The following FLT4 variants were observed in gnomAD, a reference collection of about 807,000 sequenced individuals.
FLT4 encodes the protein fms related receptor tyrosine kinase 4.
FLT4 carries 30 observed loss-of-function variants against 163.2 expected under a neutral mutation model. The observed-to-expected ratio is 0.18, with a 90% CI of 0.14 to 0.25. The LOEUF (loss-of-function observed/expected upper bound fraction) is 0.25. FLT4 is among the 10% of genes least tolerant of loss of function. The pLI is 1.00. For synonymous variants in FLT4, 884 were observed against 789.5 expected (o/e 1.12, Z -2.01); for missense variants, 1,510 against 1,863.8 (o/e 0.81, Z 3.50).
chr5:180,606,868 C>A (rs1482962697), intron 29 of FLT4, among the ~76,000 whole-genome samples: 1 of 143,420 alleles, frequency 7.0e-6, no homozygotes, highest in Non-Finnish European at 1.5e-5. Context: ...CCAGCCTGGC[C>A]AACGTGGCGA....
chr5:180,621,499 C>A lies in FLT4; in HGVS notation c.2020+43G>T. On this transcript the variant is annotated intron_variant, in intron 13 of 29. Coordinates refer to ENST00000261937, the MANE Select transcript of FLT4 (RefSeq NM_182925.5). Reference sequence around the variant, plus strand: ...GGGGCAAAGGCAGAGGCAGCTACTGCTAGAAGAGAGCGCGTCCCCGCCCTC... The same window carrying A: ...GGGGCAAAGGCAGAGGCAGCTACTGATAGAAGAGAGCGCGTCCCCGCCCTC... 1.9e-6 allele frequency: 3 copies of A among 1,604,196 alleles called. No individual in the cohort carries two copies. In the South Asian group the frequency reaches 3.3e-5, roughly 18 times the overall value.
intron 1 of FLT4, among the ~76,000 whole-genome samples, chr5:180,645,019 G>C (rs1765413648): frequency 6.6e-6 from 1 of 152,238 alleles, no homozygotes; most frequent in Non-Finnish European, 1.5e-5. Context: ...GCTGGGGCTG[G>C]TGTGTGCAGT....
Position 180,611,315 on chromosome 5 carries a change from C to T in FLT4, c.3686+16G>A, listed in dbSNP as rs1313909056. The T allele has an allele frequency of 6.2e-7, 1 of 1,613,648 alleles. No individual in the cohort carries two copies. Among genetic ancestry groups the T allele is most frequent in the Non-Finnish European group, 8.5e-7 (1 of 1,179,968 alleles). Reference sequence around the variant, plus strand: ...GCTTTCTCCCACCCTACTCCTGGACCTGCAGGACAGCTGACCTGGCGGCCA... The same window carrying T: ...GCTTTCTCCCACCCTACTCCTGGACTTGCAGGACAGCTGACCTGGCGGCCA... On this transcript the variant is annotated intron_variant, in intron 27 of 29. Coordinates refer to ENST00000261937, the MANE Select transcript of FLT4 (RefSeq NM_182925.5).
At position 180,622,618 on chromosome 5, in the gene FLT4, A is replaced by G. The variant is rs2242209; in HGVS notation, c.1657+113T>C. ...TCTATTTTTCCTGTCTACAACCGGTAGGCCTTGGATCTCTCTCCTGGGTGT... is the reference window on the plus strand; with the variant it reads ...TCTATTTTTCCTGTCTACAACCGGTGGGCCTTGGATCTCTCTCCTGGGTGT... On this transcript the variant is annotated intron_variant, in intron 12 of 29. Coordinates refer to ENST00000261937, the MANE Select transcript of FLT4 (RefSeq NM_182925.5). The G allele has an allele frequency of 0.52, 371,520 of 719,356 alleles. 96,929 individuals are homozygous for G. Among genetic ancestry groups the G allele is most frequent in the Admixed American group, 0.61 (30,319 of 50,072 alleles). 44.6% of individuals were successfully genotyped at this position (719,356 alleles called of 1,614,324 possible).
intron 25 of FLT4, 99 bp downstream of exon 25, chr5:180,612,912 C>A: frequency 1.1e-6 from 1 of 881,800 alleles, no homozygotes; most frequent in Non-Finnish European, 1.8e-6. Context: ...GCCTGTCCTA[C>A]TGGCCCTGGC....
chr5:180,610,353 G>A (rs1383219973), intron 27 of FLT4, among the ~76,000 whole-genome samples: 1 of 152,262 alleles, frequency 6.6e-6, no homozygotes, highest in Non-Finnish European at 1.5e-5. Context: ...AGGCAGCCCT[G>A]GGGCTGCAAG....
chr5:180,638,905 A>C (rs971536262), intron 1 of FLT4, among the ~76,000 whole-genome samples: 20 of 152,188 alleles, frequency 1.3e-4, no homozygotes, highest in African/African-American at 4.3e-4. Flanking sequence ...GGTAAGGACC[A>C]AGACAGCTCT....
At chr5:180,622,215 G>A (rs1470134792) in intron 12 of FLT4, among the ~76,000 whole-genome samples, 2 of 151,680 alleles carry the variant, frequency 1.3e-5, no homozygotes, top group East Asian at 3.9e-4. Context: ...GTCACTTCTG[G>A]TCAGGCTCCT....
chr5:180,626,329 AC>A, intron 8 of FLT4, 64 bp from the exon 9 acceptor site: 2 of 1,566,304 alleles, frequency 1.3e-6, no homozygotes, highest in East Asian at 2.2e-5. Context: ...TCATGCTGGC[AC>A]CCCCACCCCA....
At chr5:180,648,948 C>T (rs1765616107) in intron 1 of FLT4, among the ~76,000 whole-genome samples, 1 of 152,158 alleles carries the variant, frequency 6.6e-6, no homozygotes, top group South Asian at 2.1e-4. Flanking sequence ...GCGCGGTGGT[C>T]CCCGGCCCCT....
rs759451580 is a variant in FLT4, at chr5:180,620,934, C to G, written c.2241G>C (p.Leu747=). 9 of 1,610,448 alleles carry G rather than the reference C, an allele frequency of 5.6e-6. No homozygotes were observed. The highest frequency in any genetic ancestry group is 8.5e-7 in the Non-Finnish European group (1 of 1,178,878). ...RVREEDAGRY[L]CSVCNAKGCV... is the part of the protein sequence containing the mutation. Reference sequence around the variant, plus strand: ...AGCCCTTGGCGTTGCACACGCTGCACAGATAGCGTCCCGCATCCTCCTCGC... The same window carrying G: ...AGCCCTTGGCGTTGCACACGCTGCAGAGATAGCGTCCCGCATCCTCCTCGC... Residue 747 remains leucine, a synonymous_variant, in exon 15 of 30, where the codon CTG becomes CTC. Transcript: ENST00000261937. The surrounding 1 kb of genome is among the most constrained non-coding windows in gnomAD (Gnocchi z 4.4).
chr5:180,631,126 G>T (rs952644551), intron 2 of FLT4, among the ~76,000 whole-genome samples: 1 of 152,066 alleles, frequency 6.6e-6, no homozygotes, highest in African/African-American at 2.4e-5. Context: ...GTGGCCTGGG[G>T]TCAGTGTGAG....
At chr5:180,612,858 A>T (rs1366563467) in intron 25 of FLT4, among the ~76,000 whole-genome samples, 153 bp downstream of exon 25, 1 of 151,986 alleles carries the variant, frequency 6.6e-6, no homozygotes, top group Non-Finnish European at 1.5e-5. Flanking sequence ...CTCCTGGTGC[A>T]GCTGTGCTAC....
At position 180,616,943 on chromosome 5, in the gene FLT4, C is replaced by G. The variant is rs1351116082; in HGVS notation, c.3053G>C (p.Ser1018Thr). The G allele has an allele frequency of 3.1e-6, 5 of 1,613,446 alleles. No homozygotes were observed. In the East Asian group the frequency reaches 1.1e-4, roughly 36 times the overall value. ...PLTMEDLVCY[S>T]FQVARGMEFL... ...CTCCATCCCTCTGGCCACCTGGAAG[C>G]TGTAGCAGACAAGATCTTCCATGGT... Residue 1018 changes from serine to threonine, a missense_variant, in exon 22 of 30, where the codon AGC becomes ACC. By Grantham distance (58) the Ser-to-Thr change is moderately conservative (BLOSUM62 1). Coordinates refer to ENST00000261937, the MANE Select transcript of FLT4 (RefSeq NM_182925.5).
Position 180,608,967 on chromosome 5 carries a change from C to G in FLT4, c.3893+1G>C, listed in dbSNP as rs779470082. 6.2e-7 allele frequency: 1 copy of G among 1,613,780 alleles called. No individual in the cohort carries two copies. Among genetic ancestry groups the G allele is most frequent in the Admixed American group, 1.7e-5 (1 of 60,028 alleles). ...GTGCAGGAGGCTCACGAAGCCCTTA[C>G]CTGAAGCCGCTTTCTTGTCTATGCC... On this transcript the variant is annotated splice_donor_variant, in intron 29 of 29. Transcript: ENST00000261937. LOFTEE classifies it high-confidence loss of function.
At chr5:180,614,214 A>C in intron 23 of FLT4, 35 bp from the exon 24 acceptor site, 2 of 1,400,152 alleles carry the variant, frequency 1.4e-6, no homozygotes, top group Non-Finnish European at 2.0e-6. Context: ...CCCGTGGTGG[A>C]TGGGGAGACG....
rs1762901251 is a variant in FLT4 at position 180,619,010 on chromosome 5, C to G, written c.2850+11G>C. ...CCGCCGCCCGCGGCGCCCCGCAGGCCGCCCGCTCACCGCGCAGGGGCTGAA... is the reference window on the plus strand; with the variant it reads ...CCGCCGCCCGCGGCGCCCCGCAGGCGGCCCGCTCACCGCGCAGGGGCTGAA... On this transcript the variant is annotated intron_variant, in intron 20 of 29. Transcript: ENST00000261937. 6.5e-7 allele frequency: 1 copy of G among 1,547,430 alleles called. No individual in the cohort carries two copies. The highest frequency in any genetic ancestry group is 1.2e-5 in the South Asian group (1 of 83,984).
intron 29 of FLT4, among the ~76,000 whole-genome samples, chr5:180,606,600 G>C (rs1761797883): frequency 6.6e-6 from 1 of 152,236 alleles, no homozygotes; most frequent in Non-Finnish European, 1.5e-5. Flanking sequence ...TTTCTCGAAG[G>C]TGTGTAGAGG....
intron 18 of FLT4, 33 bp downstream of exon 18, chr5:180,619,632 C>G (rs1415669429): frequency 3.9e-6 from 6 of 1,551,032 alleles, no homozygotes; most frequent in Non-Finnish European, 5.3e-6. Flanking sequence ...TCCTCACCAG[C>G]TAGGCTGCCC....
Sources: allele counts gnomAD v4.1 joint callset (sites outside exome capture counted in the v4.1 genomes callset), GRCh38; gene constraint gnomAD v4.1.1; non-coding constraint Gnocchi (gnomAD v3.1); transcripts MANE v1.5; gene names NCBI Gene and HGNC (gene_info 2026-07-23, HGNC 2026-07-21).